PCDHGA1: variants seen among roughly 807,000 people sequenced by gnomAD.
PCDHGA1 encodes protocadherin gamma-A1.
Under a neutral mutation model 58.0 loss-of-function variants are expected in PCDHGA1, and 32 were observed. The observed-to-expected ratio is 0.55, with a 90% CI of 0.42 to 0.74. The LOEUF is 0.74. Among genes scored for constraint, PCDHGA1 ranks in the 30% least tolerant of loss-of-function variants. The probability of loss-of-function intolerance (pLI) is 0.00; values close to 1 mark genes in which losing one functional copy is unlikely to be tolerated. For synonymous variants in PCDHGA1, 498 were observed against 501.1 expected (o/e 0.99, Z 0.08); for missense variants, 1,205 against 1,182.3 (o/e 1.02, Z -0.28).
chr5:141,497,804 T>G (rs1196976996), intron 2 of PCDHGA1, among the ~76,000 whole-genome samples: 1 of 152,186 alleles, frequency 6.6e-6, no homozygotes, highest in Non-Finnish European at 1.5e-5. Context: ...CTTCCCAAAG[T>G]GCTAGAATTA....
At position 141,431,365 on chromosome 5, in the gene PCDHGA1, C is replaced by T. The variant is rs2097365932; in HGVS notation, c.2422-63442C>T. ...TGGTGCTGAAACGCGCCCTGGACCG[C>T]GAAGAAAAGGCTGCTCACCACCTGG... On this transcript the variant is annotated intron_variant, in intron 1 of 3. Coordinates refer to ENST00000517417, the MANE Select transcript of PCDHGA1 (RefSeq NM_018912.3). The surrounding 1 kb of genome is among the most constrained non-coding windows in gnomAD (Gnocchi z 4.8). 6 of 1,613,980 alleles carry T rather than the reference C, an allele frequency of 3.7e-6. No homozygotes were observed. Among genetic ancestry groups the T allele is most frequent in the Non-Finnish European group, 5.1e-6 (6 of 1,180,028 alleles).
At position 141,491,796 on chromosome 5, in the gene PCDHGA1, C is replaced by T. The variant is rs1487915203; in HGVS notation, c.2422-3011C>T. The stretch of plus-strand genomic sequence containing the variant: ...GATTGAACTTGCATCCACTCCTCTC[C>T]GGCCGGCTTGGTCGCTGGCTGCGCT... On this transcript the variant is annotated intron_variant, in intron 1 of 3. Transcript: ENST00000517417. The surrounding 1 kb of genome is among the most constrained non-coding windows in gnomAD (Gnocchi z 6.9). 6.6e-7 allele frequency: 1 copy of T among 1,509,866 alleles called. No homozygotes were observed. The highest frequency in any genetic ancestry group is 2.4e-5 in the Admixed American group (1 of 42,218). The allele number at this position is 1,509,866 out of a possible 1,614,324, so 93.5% of individuals were successfully genotyped here. A position where few individuals can be genotyped will look rare whatever the true frequency, so the allele number is the denominator to read the frequency against.
intron 1 of PCDHGA1, among the ~76,000 whole-genome samples, chr5:141,436,221 G>C (rs1468526543): frequency 6.6e-6 from 1 of 152,004 alleles, no homozygotes; most frequent in African/African-American, 2.4e-5. Context: ...CAAATGACTT[G>C]GGAAACTAAG....
In PCDHGA1 at chr5:141,491,925, G is replaced by A. The variant is rs1019181943; in HGVS notation, c.2422-2882G>A. 5 of 1,325,176 alleles carry A rather than the reference G, an allele frequency of 3.8e-6. No homozygotes were observed. In the Admixed American group the frequency reaches 1.5e-4, roughly 39 times the overall value. 82.1% of individuals were successfully genotyped at this position (1,325,176 alleles called of 1,614,324 possible). A position where few individuals can be genotyped will look rare whatever the true frequency, so the allele number is the denominator to read the frequency against. On this transcript the variant is annotated intron_variant, in intron 1 of 3. Coordinates refer to ENST00000517417, the MANE Select transcript of PCDHGA1 (RefSeq NM_018912.3). The surrounding 1 kb of genome is among the most constrained non-coding windows in gnomAD (Gnocchi z 6.9). ...GGGTGGTGGCGACTGTGGGCGAGGG[G>A]AGGTGGGACCGACCCCCACCCCTAC...
chr5:141,481,897 G>A (rs916673176), intron 1 of PCDHGA1, among the ~76,000 whole-genome samples: 3 of 128,712 alleles, frequency 2.3e-5, no homozygotes, highest in South Asian at 5.0e-4. Context: ...CTGGGTGAAA[G>A]AGCGAAACTC....
chr5:141,491,723 G>C lies in PCDHGA1; in HGVS notation c.2422-3084G>C. The C allele has an allele frequency of 1.2e-6, 2 of 1,606,770 alleles. No homozygotes were observed. The highest frequency in any genetic ancestry group is 1.7e-6 in the Non-Finnish European group (2 of 1,177,028). On this transcript the variant is annotated intron_variant, in intron 1 of 3. Transcript: ENST00000517417. The surrounding 1 kb of genome is among the most constrained non-coding windows in gnomAD (Gnocchi z 6.9). The stretch of plus-strand genomic sequence containing the variant: ...CAGGTGAGGGGCTCGGCGCCGCCCC[G>C]GGCGACCCCTGGGGGCGGCACTGGA...
At chr5:141,339,950 C>G in intron 1 of PCDHGA1, 1 of 1,614,158 alleles carries the variant, frequency 6.2e-7, no homozygotes, top group Non-Finnish European at 8.5e-7. Flanking sequence ...TGGTCCGGGC[C>G]TTCTAACCAG....
At chr5:141,356,510 A>G (rs2149791412) in intron 1 of PCDHGA1, 2 of 1,612,802 alleles carry the variant, frequency 1.2e-6, no homozygotes, top group East Asian at 2.2e-5. Context: ...ACAGAAACTC[A>G]TATTTCACTG....
intron 1 of PCDHGA1, among the ~76,000 whole-genome samples, chr5:141,438,623 TATATATATATATACACACAC>T (rs1272037524): frequency 7.0e-5 from 3 of 42,840 alleles, no homozygotes; most frequent in African/African-American, 1.6e-4. Flanking sequence ...TATATATATA[TATATATATATATACACACAC>T]ACACACACAT....
intron 1 of PCDHGA1, chr5:141,351,659 A>G: frequency 6.2e-7 from 1 of 1,614,004 alleles, no homozygotes; most frequent in Middle Eastern, 1.6e-4. Context: ...TGGCGCCTCC[A>G]TTGCACAAGT....
chr5:141,371,587 C>T, intron 1 of PCDHGA1: 2 of 1,613,898 alleles, frequency 1.2e-6, no homozygotes, highest in Non-Finnish European at 1.7e-6. Flanking sequence ...GTTCAAGATA[C>T]CAAAAACACA....
rs776876444 is a variant in PCDHGA1 at position 141,330,973 on chromosome 5, G to T, written c.289G>T (p.Ala97Ser). The change falls in exon 1 of 4, where the codon GCT becomes TCT. Residue 97 changes from alanine (A) to serine (S), a missense_variant. Physicochemically the swap from Ala to Ser is moderately conservative, Grantham distance 99 (BLOSUM62 1). Coordinates refer to ENST00000517417, the MANE Select transcript of PCDHGA1 (RefSeq NM_018912.3). ...CAGGATAGACCGGGAGGAGCTCTGC[G>T]CTCAGAGCATGCCGTGTCTCGTGAG... Reference protein sequence around the residue: ...ARRIDREELCAQSMPCLVSFN... With the variant: ...ARRIDREELCSQSMPCLVSFN... 6.2e-6 allele frequency: 10 copies of T among 1,614,186 alleles called. No homozygotes were observed. Among genetic ancestry groups the T allele is most frequent in the Non-Finnish European group, 8.5e-6 (10 of 1,180,038 alleles).
chr5:141,383,787 G>T, intron 1 of PCDHGA1: 1 of 1,613,950 alleles, frequency 6.2e-7, no homozygotes, highest in East Asian at 2.2e-5. Context: ...ATCTGAACTC[G>T]CTTACAGGAG....
chr5:141,366,806 TC>T, intron 1 of PCDHGA1: 1 of 1,560,888 alleles, frequency 6.4e-7, no homozygotes, highest in Admixed American at 1.9e-5. Flanking sequence ...GTTTCCTTTT[TC>T]ATGTTTCTGT....
At chr5:141,445,269 C>A (rs535300313) in intron 1 of PCDHGA1, among the ~76,000 whole-genome samples, 1 of 152,260 alleles carries the variant, frequency 6.6e-6, no homozygotes, top group Non-Finnish European at 1.5e-5. Flanking sequence ...AAGTCGAAAC[C>A]ACTCTGCATA....
At chr5:141,464,611 A>G (rs2099087451) in intron 1 of PCDHGA1, among the ~76,000 whole-genome samples, 3 of 152,194 alleles carry the variant, frequency 2.0e-5, no homozygotes, top group African/African-American at 7.2e-5. Context: ...TTTGCAGAGT[A>G]TATTGTCAAG....
chr5:141,501,300 C>T (rs867143352), intron 2 of PCDHGA1, among the ~76,000 whole-genome samples: 2,626 of 150,646 alleles, frequency 0.017, 74 homozygotes, highest in African/African-American at 0.06. Context: ...TACACACACA[C>T]ACACACACAC....
Position 141,410,173 on chromosome 5 carries a change from C to G in PCDHGA1, c.2421+77068C>G, listed in dbSNP as rs544938164. ...GTGGACAGCCGCCACTCTCTGCCACCGCCACGCTTCATCTGGTCTTCGCAG... is the reference window on the plus strand; with the variant it reads ...GTGGACAGCCGCCACTCTCTGCCACGGCCACGCTTCATCTGGTCTTCGCAG... On this transcript the variant is annotated intron_variant, in intron 1 of 3. Coordinates refer to ENST00000517417, the MANE Select transcript of PCDHGA1 (RefSeq NM_018912.3). The G allele has an allele frequency of 6.2e-6, 10 of 1,613,842 alleles. No individual in the cohort carries two copies. The African/African-American group carries it at 9.3e-5, about 15-fold the overall frequency.
chr5:141,357,119 A>G, intron 1 of PCDHGA1: 5 of 1,613,654 alleles, frequency 3.1e-6, no homozygotes, highest in African/African-American at 1.3e-5. Context: ...GCGCTCAAGC[A>G]GAGGCTTGTA....
Sources: gnomAD v4.1 joint callset for allele counts (sites outside exome capture counted in the v4.1 genomes callset) on GRCh38, gnomAD v4.1.1 for gene constraint, Gnocchi (gnomAD v3.1) non-coding constraint, MANE v1.5 for transcripts, NCBI Gene and HGNC (gene_info 2026-07-23, HGNC 2026-07-21) for gene names.